Variants in LRRC7 observed in about 807,000 individuals in gnomAD.
LRRC7 encodes the protein leucine rich repeat containing 7.
LRRC7 carries 23 observed loss-of-function variants against 175.7 expected under a neutral mutation model. That is an observed-to-expected ratio of 0.13 (90% CI 0.09 to 0.19). The LOEUF (loss-of-function observed/expected upper bound fraction) is 0.19. LRRC7 is among the 10% of genes least tolerant of loss of function. LRRC7 has a pLI of 1.00. For synonymous variants in LRRC7, 685 were observed against 680.9 expected, an observed-to-expected ratio of 1.01 and a Z score of -0.09; for missense variants, 1,354 against 1,904.7, an observed-to-expected ratio of 0.71 and a Z score of 5.38.
intron 2 of LRRC7, among the ~76,000 whole-genome samples, chr1:69,687,887 C>T (rs572961341): frequency 6.6e-6 from 1 of 152,216 alleles, no homozygotes; most frequent in African/African-American, 2.4e-5. Flanking sequence ...TAGTAGAAGC[C>T]ATTGAATATG....
At chr1:69,734,899 T>G (rs1667948183) in intron 2 of LRRC7, among the ~76,000 whole-genome samples, 1 of 151,892 alleles carries the variant, frequency 6.6e-6, no homozygotes, top group African/African-American at 2.4e-5. Flanking sequence ...GTTTATTCAA[T>G]GGCAATATAC....
At chr1:70,004,148 A>G (rs984670033) in intron 11 of LRRC7, among the ~76,000 whole-genome samples, 1 of 152,162 alleles carries the variant, frequency 6.6e-6, no homozygotes, top group Non-Finnish European at 1.5e-5. Flanking sequence ...TCAGAGGTAA[A>G]ATCTAGATGA....
rs147599085 is a variant in LRRC7 at position 70,045,227 on chromosome 1, G to A, written c.4110+1133G>A. On this transcript the variant is annotated intron_variant, in intron 22 of 26. Coordinates refer to ENST00000651989, the MANE Select transcript of LRRC7 (RefSeq NM_001370785.2). ...TTTGAATGTTGTTTTTGCTGTGCCC[G>A]GTCTATACTGCAGGACCAGTGGAGT... Among the ~76,000 whole-genome samples, 44 of 151,846 alleles carry A rather than the reference G, an allele frequency of 2.9e-4. 1 individual carries two copies. The East Asian group carries it at 8.3e-3, about 29-fold the overall frequency.
At chr1:69,872,702 A>G (rs1685674441) in intron 7 of LRRC7, among the ~76,000 whole-genome samples, 1 of 152,258 alleles carries the variant, frequency 6.6e-6, no homozygotes, top group East Asian at 1.9e-4. Context: ...GATGCCTGGC[A>G]AAAGTTGCTA....
intron 7 of LRRC7, among the ~76,000 whole-genome samples, chr1:69,899,216 T>C (rs1475080145): frequency 6.6e-6 from 1 of 152,234 alleles, no homozygotes; most frequent in Non-Finnish European, 1.5e-5. Context: ...CTTGTTTTTA[T>C]TTTGTATCAT....
chr1:70,118,161 G>A (rs1379690133), intron 26 of LRRC7, among the ~76,000 whole-genome samples: 2 of 151,426 alleles, frequency 1.3e-5, no homozygotes, highest in Admixed American at 6.6e-5. Context: ...TATTTTAACT[G>A]GAGAAGCCCT....
At chr1:69,782,165 C>G (rs1174866363) in intron 3 of LRRC7, among the ~76,000 whole-genome samples, 1 of 152,104 alleles carries the variant, frequency 6.6e-6, no homozygotes, top group Non-Finnish European at 1.5e-5. Flanking sequence ...TCACTTGCAC[C>G]TATGTAATAG....
intron 4 of LRRC7, among the ~76,000 whole-genome samples, chr1:69,804,412 C>T (rs950901994): frequency 6.6e-6 from 1 of 151,280 alleles, no homozygotes; most frequent in Non-Finnish European, 1.5e-5. Context: ...GAAATATTTA[C>T]CTTCTTGGAA....
intron 11 of LRRC7, among the ~76,000 whole-genome samples, chr1:70,009,566 T>G (rs1473264422): frequency 6.6e-6 from 1 of 152,148 alleles, no homozygotes; most frequent in African/African-American, 2.4e-5. Context: ...GTACTGAACA[T>G]GTATTTTATG....
chr1:69,998,325 C>G (rs1655204098), intron 11 of LRRC7, among the ~76,000 whole-genome samples: 1 of 152,186 alleles, frequency 6.6e-6, no homozygotes, highest in South Asian at 2.1e-4. Context: ...CATATAGCCC[C>G]TCATCTAGAA....
chr1:69,618,357 T>G (rs1483759117), intron 1 of LRRC7, among the ~76,000 whole-genome samples: 1 of 152,154 alleles, frequency 6.6e-6, no homozygotes, highest in African/African-American at 2.4e-5. Flanking sequence ...CCTTGAGAAC[T>G]TAGTAAGCTT....
At chr1:69,926,901 C>T (rs555020137) in intron 7 of LRRC7, among the ~76,000 whole-genome samples, 1 of 152,222 alleles carries the variant, frequency 6.6e-6, no homozygotes, top group African/African-American at 2.4e-5. Flanking sequence ...TCTTCGTAGC[C>T]TCAATGGTCT....
At chr1:69,827,483 A>G (rs1455324885) in intron 5 of LRRC7, among the ~76,000 whole-genome samples, 1 of 152,216 alleles carries the variant, frequency 6.6e-6, no homozygotes, top group Non-Finnish European at 1.5e-5. Context: ...ATTCATAAAA[A>G]TTATGAAAAG....
chr1:69,683,356 ACT>A (rs1442941041), intron 2 of LRRC7, among the ~76,000 whole-genome samples: 2 of 152,110 alleles, frequency 1.3e-5, no homozygotes, highest in African/African-American at 2.4e-5. Context: ...TTTCCTGCAT[ACT>A]GTTAGAAAAC....
intron 21 of LRRC7, among the ~76,000 whole-genome samples, chr1:70,042,930 G>A (rs1571151714): frequency 6.6e-6 from 1 of 152,032 alleles, no homozygotes; most frequent in Admixed American, 6.6e-5. Flanking sequence ...GAATAGAATA[G>A]CTACCTGCTG....
rs1033202962 is a variant in LRRC7 at position 70,130,185 on chromosome 1, T to G, written c.*8298T>G. On this transcript the variant is annotated 3_prime_UTR_variant, in exon 27 of 27. Transcript: ENST00000651989. ...TTTGGTGTTTGTTTTTCCTATGAAC[T>G]TTAAGCTTTTTGAGAGAGAGGATCA... 6.6e-6 allele frequency: 1 copy of G among 152,232 alleles called. No individual in the cohort carries two copies. The highest frequency in any genetic ancestry group is 1.5e-5 in the Non-Finnish European group (1 of 68,040). The allele number at this position is 152,232 out of a possible 1,614,324, so 9.4% of individuals were successfully genotyped here.
intron 3 of LRRC7, among the ~76,000 whole-genome samples, chr1:69,762,694 T>A (rs1349468534): frequency 1.3e-5 from 2 of 152,030 alleles, no homozygotes; most frequent in Non-Finnish European, 2.9e-5. Flanking sequence ...AAAAGTCTTA[T>A]ACATCAAGGA....
At chr1:69,752,961 T>C (rs533245027) in intron 2 of LRRC7, among the ~76,000 whole-genome samples, 31 of 152,214 alleles carry the variant, frequency 2.0e-4, no homozygotes, top group Middle Eastern at 3.4e-3. Flanking sequence ...TGTGCAGACA[T>C]GTGGTAACAC....
In LRRC7 at chr1:70,136,663, TCTCA is replaced by T. The variant is rs1666885139; in HGVS notation, c.*14778_*14781del. Among the ~76,000 whole-genome samples the T allele has an allele frequency of 1.3e-5, 2 of 151,612 alleles. No homozygotes were observed. The highest frequency in any genetic ancestry group is 4.8e-5 in the African/African-American group (2 of 41,368). ...GAAAGAACACTGTATTGTCACCTTC[TCTCA>T]CAGTTTAATAAAATGGCAAATGCTT... On this transcript the variant is annotated 3_prime_UTR_variant, in exon 27 of 27. Transcript: ENST00000651989.
Sources: gnomAD v4.1 joint callset for allele counts (sites outside exome capture counted in the v4.1 genomes callset) on GRCh38, gnomAD v4.1.1 for gene constraint, MANE v1.5 for transcripts, NCBI Gene and HGNC (gene_info 2026-07-23, HGNC 2026-07-21) for gene names.